Variants in TG observed in about 807,000 individuals in gnomAD.
TG encodes thyroid hormones.
In TG, 270 loss-of-function variants were observed where a neutral mutation model predicts 324.7. The observed-to-expected ratio is 0.83, with a 90% CI of 0.75 to 0.92. The LOEUF is 0.92. Among genes scored for constraint, TG ranks in the 40% least tolerant of loss-of-function variants. The probability of loss-of-function intolerance (pLI) is 0.00; values close to 1 mark genes in which losing one functional copy is unlikely to be tolerated. For synonymous variants in TG, 1,401 were observed against 1,327.0 expected, an observed-to-expected ratio of 1.06 and a Z score of -1.21; for missense variants, 3,591 against 3,456.4, an observed-to-expected ratio of 1.04 and a Z score of -0.98.
At chr8:132,986,090 G>A (rs759448379) in intron 35 of TG, among the ~76,000 whole-genome samples, 7 of 152,030 alleles carry the variant, frequency 4.6e-5, no homozygotes, top group Non-Finnish European at 1.0e-4. Flanking sequence ...TGAACCTCAA[G>A]CGATAGGTCC....
chr8:132,989,457 G>A (rs766974061), intron 35 of TG, among the ~76,000 whole-genome samples: 2 of 152,178 alleles, frequency 1.3e-5, no homozygotes, highest in Admixed American at 6.5e-5. Flanking sequence ...CTGGCAGAGC[G>A]GACTGTGAAG....
chr8:133,022,647 G>A (rs1344134503), intron 40 of TG, among the ~76,000 whole-genome samples: 1 of 152,086 alleles, frequency 6.6e-6, no homozygotes, highest in Non-Finnish European at 1.5e-5. Flanking sequence ...GTGAACAATG[G>A]CCTGTCCCTC....
intron 10 of TG, among the ~76,000 whole-genome samples, chr8:132,893,271 G>A (rs1387348670): frequency 7.0e-6 from 1 of 142,076 alleles, no homozygotes; most frequent in Admixed American, 7.0e-5. Flanking sequence ...TGTGGTGTCT[G>A]CGGGGGTGGT....
At chr8:133,050,494 G>A (rs1198114351) in intron 41 of TG, 4 of 267,102 alleles carry the variant, frequency 1.5e-5, no homozygotes, top group South Asian at 1.4e-4. Flanking sequence ...CTGCCTTCCC[G>A]GTCTTCATTC....
Position 133,029,889 on chromosome 8 carries a change from C to G in TG, c.7105C>G (p.His2369Asp). Residue 2369 changes from histidine to aspartate, a missense_variant, in exon 41 of 48, where the codon CAC (histidine) becomes GAC (aspartate). Physicochemically the swap from His to Asp is moderately conservative, Grantham distance 81. Coordinates refer to ENST00000220616, the MANE Select transcript of TG (RefSeq NM_003235.5). Reference protein sequence around the residue: ...QVAALTWVQTHIRGFGGDPRR... With the variant: ...QVAALTWVQTDIRGFGGDPRR... ...GGCGGCTCTGACCTGGGTGCAGACC[C>G]ACATCCGAGGATTTGGCGGGGACCC... 1 of 1,614,226 alleles carries G rather than the reference C, an allele frequency of 6.2e-7. No individual in the cohort carries two copies. Among genetic ancestry groups the G allele is most frequent in the Non-Finnish European group, 8.5e-7 (1 of 1,180,046 alleles).
intron 30 of TG, 93 bp from the exon 31 acceptor site, chr8:132,967,701 A>G (rs1037406565): frequency 7.0e-7 from 1 of 1,418,830 alleles, no homozygotes; most frequent in Admixed American, 1.8e-5. Context: ...AGGGATCTCT[A>G]CCAGGCATTT....
At chr8:133,119,257 A>G (rs545879175) in intron 45 of TG, among the ~76,000 whole-genome samples, 34 of 152,312 alleles carry the variant, frequency 2.2e-4, no homozygotes, top group African/African-American at 8.2e-4. Flanking sequence ...GCTTTCTCCA[A>G]ACAGACTCTT....
chr8:133,041,141 G>C (rs1008749721), intron 41 of TG, among the ~76,000 whole-genome samples: 3 of 152,200 alleles, frequency 2.0e-5, no homozygotes, highest in South Asian at 2.1e-4. Context: ...CTGTGCCCTG[G>C]GGGGAGATGA....
chr8:132,886,705 C>T lies in TG; in HGVS notation c.1333C>T (p.Arg445Ter), dbSNP rs748309986. 21 of 1,614,070 alleles carry T rather than the reference C, an allele frequency of 1.3e-5. No individual in the cohort carries two copies. Among genetic ancestry groups the T allele is most frequent in the Admixed American group, 1.0e-4 (6 of 59,998 alleles). The change falls in exon 9 of 48, where the codon CGA (arginine) becomes TGA (stop). Residue 445 changes from arginine (R) to a stop codon, truncating the protein, a stop_gained. Coordinates refer to ENST00000220616, the MANE Select transcript of TG (RefSeq NM_003235.5). LOFTEE classifies it high-confidence loss of function. Reference protein sequence around the residue: ...VSENLLKEAIRAIFPSRGLAR... With the variant: ...VSENLLKEAI ...AGAAAATCTTCTCAAAGAAGCCATC[C>T]GAGCAATTTTTCCCTCCCGAGGGCT...
In TG at chr8:133,067,905, AG is replaced by A. The variant is rs1206739455; in HGVS notation, c.7240-27137del. On this transcript the variant is annotated intron_variant, in intron 41 of 47. Coordinates refer to ENST00000220616, the MANE Select transcript of TG (RefSeq NM_003235.5). ...AAGGAAGTATGTATGGAAGGAAGGA[AG>A]GAAGGAAGGAAAGAGAGAGAGAGAG... 9.9e-3 allele frequency among the ~76,000 whole-genome samples: 548 copies of A among 55,452 alleles called. 6 individuals carry two copies. Among genetic ancestry groups the A allele is most frequent in the African/African-American group, 0.011 (209 of 19,598 alleles). 36.4% of individuals were successfully genotyped at this position (55,452 alleles called of 152,430 possible). A position where few individuals can be genotyped will look rare whatever the true frequency, so the allele number is the denominator to read the frequency against.
At chr8:132,882,077 C>G in intron 6 of TG, 108 bp downstream of exon 6, 1 of 793,718 alleles carries the variant, frequency 1.3e-6, no homozygotes. Context: ...TGCCTGCCCC[C>G]TGCCAGGCTG....
In TG at chr8:133,116,607, A is replaced by C; in HGVS notation, c.7755-2A>C. ...ACTCCCCCCATGTTCTCTTTTCACC[A>C]GGGACTACTTTATCATCTGCCCTAT... On this transcript the variant is annotated splice_acceptor_variant, in intron 44 of 47. Coordinates refer to ENST00000220616, the MANE Select transcript of TG (RefSeq NM_003235.5). LOFTEE classifies it high-confidence loss of function. 6.2e-7 allele frequency: 1 copy of C among 1,613,062 alleles called. No individual in the cohort carries two copies.
chr8:133,050,271 G>A (rs1256836477), intron 41 of TG: 17 of 459,560 alleles, frequency 3.7e-5, no homozygotes, highest in East Asian at 2.3e-4. Context: ...AACTGTTGGA[G>A]GCTTTTTAAA....
chr8:132,971,999 G>T (rs762419051), intron 33 of TG, 126 bp downstream of exon 33: 1 of 757,978 alleles, frequency 1.3e-6, no homozygotes, highest in South Asian at 1.5e-5. Flanking sequence ...GGAAATGGGG[G>T]CTTGGAGAGG....
At position 132,868,292 on chromosome 8, in the gene TG, C is replaced by G. The variant is rs1045018668; in HGVS notation, c.176+69C>G. Reference sequence around the variant, plus strand: ...ATAAAAAGCATCTTGTGCCTTCCCCCCTCTTCCTGAGCTCTGCCCTGCAAC... The same window carrying G: ...ATAAAAAGCATCTTGTGCCTTCCCCGCTCTTCCTGAGCTCTGCCCTGCAAC... On this transcript the variant is annotated intron_variant, in intron 2 of 47. Coordinates refer to ENST00000220616, the MANE Select transcript of TG (RefSeq NM_003235.5). 10 of 1,410,562 alleles carry G rather than the reference C, an allele frequency of 7.1e-6. No homozygotes were observed. The African/African-American group carries it at 1.3e-4, about 18-fold the overall frequency. 87.4% of individuals were successfully genotyped at this position (1,410,562 alleles called of 1,614,324 possible).
chr8:132,898,019 G>T, intron 12 of TG, 150 bp from the exon 13 acceptor site: 1 of 913,714 alleles, frequency 1.1e-6, no homozygotes. Context: ...CAGAGTGATT[G>T]TGGACAATGT....
At chr8:132,870,689 T>C (rs1839407219) in intron 3 of TG, among the ~76,000 whole-genome samples, 1 of 152,104 alleles carries the variant, frequency 6.6e-6, no homozygotes, top group South Asian at 2.1e-4. Context: ...TAGCTTCTGC[T>C]GCTGCTGAGG....
Position 132,908,268 on chromosome 8 carries a change from C to A in TG, c.3930C>A (p.Tyr1310Ter). The A allele has an allele frequency of 6.2e-7, 1 of 1,613,902 alleles. No individual in the cohort carries two copies. Among genetic ancestry groups the A allele is most frequent in the Non-Finnish European group, 8.5e-7 (1 of 1,179,970 alleles). ...LPPGKMCSAD[Y>*]ADLLQTFQVF... is the part of the protein sequence containing the mutation. Reference sequence around the variant, plus strand: ...CGGGCAAGATGTGCAGTGCTGACTACGCGGATTTGCTGCAGACTTTCCAGG... The same window carrying A: ...CGGGCAAGATGTGCAGTGCTGACTAAGCGGATTTGCTGCAGACTTTCCAGG... The change falls in exon 18 of 48, where the codon TAC (tyrosine) becomes TAA (stop). Residue 1310 changes from tyrosine to a stop codon, truncating the protein, a stop_gained. Transcript: ENST00000220616. LOFTEE classifies it high-confidence loss of function.
chr8:132,943,478 A>G (rs531741152), intron 26 of TG, among the ~76,000 whole-genome samples: 2 of 152,198 alleles, frequency 1.3e-5, no homozygotes, highest in Non-Finnish European at 2.9e-5. Flanking sequence ...GGCCTCAGGT[A>G]TTTCTCTATA....
Sources: gnomAD v4.1 joint callset for allele counts (sites outside exome capture counted in the v4.1 genomes callset) on GRCh38, gnomAD v4.1.1 for gene constraint, MANE v1.5 for transcripts, NCBI Gene and HGNC (gene_info 2026-07-23, HGNC 2026-07-21) for gene names.